TNFRSF8: variants seen among roughly 807,000 people sequenced by gnomAD.
TNFRSF8 encodes the protein tumor necrosis factor receptor superfamily member 8.
In TNFRSF8, 26 loss-of-function variants were observed where a neutral mutation model predicts 70.8. That is an observed-to-expected ratio of 0.37 (90% CI 0.27 to 0.51). TNFRSF8 has a LOEUF of 0.51. Ranked by LOEUF, TNFRSF8 falls within the 20% of genes least tolerant of loss-of-function variation. The probability of loss-of-function intolerance (pLI) is 0.94; values close to 1 mark genes in which losing one functional copy is unlikely to be tolerated. For synonymous variants in TNFRSF8, 356 were observed against 339.2 expected (o/e 1.05, Z -0.54); for missense variants, 720 against 807.9 (o/e 0.89, Z 1.32).
At chr1:12,136,891 TTTTTA>T (rs1220943013) in intron 13 of TNFRSF8, among the ~76,000 whole-genome samples, 2 of 144,310 alleles carry the variant, frequency 1.4e-5, no homozygotes, top group Non-Finnish European at 3.0e-5. Flanking sequence ...TTTTTTTTTT[TTTTTA>T]ATTTTTTTAG....
At chr1:12,134,257 C>A (rs1642105407) in intron 12 of TNFRSF8, among the ~76,000 whole-genome samples, 1 of 152,152 alleles carries the variant, frequency 6.6e-6, no homozygotes, top group African/African-American at 2.4e-5. Context: ...ATCTTGGTGG[C>A]AGATTTGTCT....
At chr1:12,083,579 T>C (rs2100966671) in intron 1 of TNFRSF8, among the ~76,000 whole-genome samples, 1 of 152,242 alleles carries the variant, frequency 6.6e-6, no homozygotes, top group Non-Finnish European at 1.5e-5. Context: ...CTCAGTTACT[T>C]GGCAGGCTGA....
chr1:12,077,443 G>C (rs2100956087), intron 1 of TNFRSF8, among the ~76,000 whole-genome samples: 1 of 152,266 alleles, frequency 6.6e-6, no homozygotes, highest in East Asian at 1.9e-4. Flanking sequence ...GGAGTAAGGG[G>C]GCCATGAGCC....
chr1:12,077,788 G>A (rs980367025), intron 1 of TNFRSF8: 1 of 152,352 alleles, frequency 6.6e-6, no homozygotes, highest in Non-Finnish European at 1.5e-5. Context: ...GTGGCAAAAA[G>A]AGGCTGGTAG....
Position 12,112,357 on chromosome 1 carries a change from T to A in TNFRSF8, c.793+343T>A, listed in dbSNP as rs917004337. Among the ~76,000 whole-genome samples the A allele has an allele frequency of 6.6e-6, 1 of 151,406 alleles. No individual in the cohort carries two copies. Among genetic ancestry groups the A allele is most frequent in the Non-Finnish European group, 1.5e-5 (1 of 67,902 alleles). On this transcript the variant is annotated intron_variant, in intron 7 of 14. Coordinates refer to ENST00000263932, the MANE Select transcript of TNFRSF8 (RefSeq NM_001243.5). The surrounding 1 kb of genome is among the most constrained non-coding windows in gnomAD (Gnocchi z 5.3). ...GGTGCCACCAGGTTCCAGGTTCTCG[T>A]CCACTCCACTCGCTGCCCCTATGAG...
At chr1:12,080,312 G>A in intron 1 of TNFRSF8, 1 of 524,122 alleles carries the variant, frequency 1.9e-6, no homozygotes, top group South Asian at 1.4e-5. Flanking sequence ...TGGAACATAT[G>A]CCTTCTTCTC....
intron 2 of TNFRSF8, among the ~76,000 whole-genome samples, chr1:12,087,320 A>G (rs1318650964): frequency 6.6e-6 from 1 of 151,972 alleles, no homozygotes; most frequent in African/African-American, 2.4e-5. Context: ...GGCATGTGCC[A>G]CCACACCCAG....
In TNFRSF8 at chr1:12,110,131, C is replaced by T; in HGVS notation, c.603C>T (p.Ala201=). ...CTGTAAGAGGGGGCACCCGCCTCGC[C>T]CAGGAAGCTGCTTCTAAACTGACGA... ...TMPVRGGTRL[A]QEAASKLTRA... Residue 201 remains alanine, a synonymous_variant, in exon 6 of 15, where the codon GCC becomes GCT. Coordinates refer to ENST00000263932, the MANE Select transcript of TNFRSF8 (RefSeq NM_001243.5). This position sits in a 1 kb window ranked among gnomAD's most constrained non-coding sequence, Gnocchi z 4.0. The T allele has an allele frequency of 1.2e-6, 2 of 1,613,722 alleles. No individual in the cohort carries two copies. Among genetic ancestry groups the T allele is most frequent in the East Asian group, 4.5e-5 (2 of 44,872 alleles).
intron 1 of TNFRSF8, chr1:12,080,681 C>T (rs7531350): frequency 0.011 from 2,511 of 236,140 alleles, 62 homozygotes; most frequent in African/African-American, 0.054. Context: ...CCTCAGCCTC[C>T]TGAGTAGCTG....
chr1:12,094,500 C>A (rs549339086), intron 2 of TNFRSF8, among the ~76,000 whole-genome samples: 6 of 152,114 alleles, frequency 3.9e-5, no homozygotes, highest in Admixed American at 2.6e-4. Context: ...ATCCTGGGAG[C>A]CATGAGAAGC....
chr1:12,135,209 G>A (rs1309855489), intron 12 of TNFRSF8, among the ~76,000 whole-genome samples: 1 of 151,394 alleles, frequency 6.6e-6, no homozygotes, highest in African/African-American at 2.4e-5. Context: ...CCAGCTATTC[G>A]GGAGGCTGAG....
At chr1:12,083,543 T>C (rs1641101261) in intron 1 of TNFRSF8, among the ~76,000 whole-genome samples, 2 of 152,082 alleles carry the variant, frequency 1.3e-5, no homozygotes, top group Admixed American at 6.6e-5. Flanking sequence ...AAAAACTAGC[T>C]GGGCATGGTG....
Position 12,142,424 on chromosome 1 carries a change from C to A in TNFRSF8, c.1681C>A (p.Pro561Thr), listed in dbSNP as rs1642272101. The A allele has an allele frequency of 6.2e-6, 10 of 1,612,728 alleles. No individual in the cohort carries two copies. The highest frequency in any genetic ancestry group is 8.5e-6 in the Non-Finnish European group (10 of 1,179,430). ...ELEADHTPHY[P>T]EQETEPPLGS... ...GGAGGCGGACCATACCCCCCACTAC[C>A]CCGAGCAGGAGACAGAACCGCCTCT... is the stretch of plus-strand genomic sequence containing the variant. Residue 561 changes from proline to threonine, a missense_variant, in exon 15 of 15, where the codon CCC becomes ACC. Physicochemically the swap from Pro to Thr is conservative, Grantham distance 38. Coordinates refer to ENST00000263932, the MANE Select transcript of TNFRSF8 (RefSeq NM_001243.5). The surrounding 1 kb of genome is among the most constrained non-coding windows in gnomAD (Gnocchi z 5.0).
intron 7 of TNFRSF8, among the ~76,000 whole-genome samples, chr1:12,114,282 T>G (rs1027904104): frequency 4.6e-5 from 7 of 152,202 alleles, no homozygotes; most frequent in African/African-American, 1.7e-4. Context: ...TGATTGTAGG[T>G]TAATCTGGGT....
chr1:12,088,774 A>G lies in TNFRSF8; in HGVS notation c.151+4223A>G, dbSNP rs1057376778. 1.3e-5 allele frequency among the ~76,000 whole-genome samples: 2 copies of G among 152,238 alleles called. No individual in the cohort carries two copies. Among genetic ancestry groups the G allele is most frequent in the South Asian group, 2.1e-4 (1 of 4,832 alleles). ...AAGGCTGTGAACAGGAAGGAGGAGG[A>G]GGAGGGGGTTTGTGGGTTCCCCCAG... On this transcript the variant is annotated intron_variant, in intron 2 of 14. Transcript: ENST00000263932. The surrounding 1 kb of genome is among the most constrained non-coding windows in gnomAD (Gnocchi z 4.0).
At position 12,142,328 on chromosome 1, in the gene TNFRSF8, A is replaced by C; in HGVS notation, c.1585A>C (p.Thr529Pro). The change falls in exon 15 of 15, where the codon ACC becomes CCC. Residue 529 changes from threonine to proline, a missense_variant. Physicochemically the swap from Thr to Pro is conservative, Grantham distance 38. Transcript: ENST00000263932. The surrounding 1 kb of genome is among the most constrained non-coding windows in gnomAD (Gnocchi z 5.0). ...IMKADTVIVGTVKAELPEGRG... is the reference protein window; with the variant it reads ...IMKADTVIVGPVKAELPEGRG... ...GAAGGCTGACACCGTGATCGTGGGG[A>C]CCGTGAAGGCTGAGCTGCCGGAGGG... The C allele has an allele frequency of 6.2e-7, 1 of 1,605,624 alleles. No homozygotes were observed. Among genetic ancestry groups the C allele is most frequent in the Non-Finnish European group, 8.5e-7 (1 of 1,176,172 alleles).
chr1:12,079,385 C>T (rs757063214), intron 1 of TNFRSF8, among the ~76,000 whole-genome samples: 15 of 152,152 alleles, frequency 9.9e-5, no homozygotes, highest in Admixed American at 3.3e-4. Context: ...CCCCTCCAGT[C>T]CTTGGGCTTC....
intron 12 of TNFRSF8, among the ~76,000 whole-genome samples, chr1:12,132,741 G>A (rs201769703): frequency 1.3e-5 from 2 of 151,200 alleles, no homozygotes; most frequent in East Asian, 3.9e-4. Flanking sequence ...GGGAGGCTGA[G>A]GCAGGAGGAT....
At chr1:12,133,836 T>C (rs775552122) in intron 12 of TNFRSF8, among the ~76,000 whole-genome samples, 4 of 151,296 alleles carry the variant, frequency 2.6e-5, no homozygotes, top group African/African-American at 4.9e-5. Context: ...GCAGATCACC[T>C]GAGGTCAGGA....
Sources: allele counts gnomAD v4.1 joint callset (sites outside exome capture counted in the v4.1 genomes callset), GRCh38; gene constraint gnomAD v4.1.1; non-coding constraint Gnocchi (gnomAD v3.1); transcripts MANE v1.5; gene names NCBI Gene and HGNC (gene_info 2026-07-23, HGNC 2026-07-21).